The following JADE1 variants were observed in gnomAD, a reference collection of about 807,000 sequenced individuals.
The protein encoded by JADE1 is protein Jade-1.
JADE1 carries 14 observed loss-of-function variants against 81.8 expected under a neutral mutation model. The ratio of observed to expected loss-of-function variants is 0.17; its 90% CI spans 0.11 to 0.27. The LOEUF (loss-of-function observed/expected upper bound fraction) is 0.27. Among genes scored for constraint, JADE1 ranks in the 10% least tolerant of loss-of-function variants. JADE1 has a pLI of 1.00. For missense variants in JADE1, 690 were observed against 1,047.9 expected, an observed-to-expected ratio of 0.66 and a Z score of 4.71; for synonymous variants, 353 against 391.9, an observed-to-expected ratio of 0.90 and a Z score of 1.17.
At chr4:128,819,064 G>T (rs1727312127) in intron 1 of JADE1, among the ~76,000 whole-genome samples, 1 of 152,150 alleles carries the variant, frequency 6.6e-6, no homozygotes, top group Non-Finnish European at 1.5e-5. Context: ...GAGCTCAAAG[G>T]TTCTGCCCAC....
At chr4:128,826,914 T>C (rs1396657699) in intron 1 of JADE1, among the ~76,000 whole-genome samples, 1 of 152,234 alleles carries the variant, frequency 6.6e-6, no homozygotes, top group Non-Finnish European at 1.5e-5. Flanking sequence ...TGTATTATTG[T>C]TGAATCCAGT....
At chr4:128,824,070 A>G (rs1174935828) in intron 1 of JADE1, among the ~76,000 whole-genome samples, 7 of 152,294 alleles carry the variant, frequency 4.6e-5, no homozygotes, top group Middle Eastern at 3.4e-3. Context: ...TAATTTAGGA[A>G]TCAAATTATC....
At chr4:128,869,486 A>G (rs1478346831) in intron 10 of JADE1, among the ~76,000 whole-genome samples, 1 of 152,168 alleles carries the variant, frequency 6.6e-6, no homozygotes, top group Non-Finnish European at 1.5e-5. Context: ...GTGCCATTGG[A>G]GGGCTTTCTG....
intron 2 of JADE1, among the ~76,000 whole-genome samples, chr4:128,842,398 C>G (rs964090239): frequency 6.6e-6 from 1 of 151,738 alleles, no homozygotes; most frequent in African/African-American, 2.4e-5. Context: ...CTCCTAGGTT[C>G]AAGCAATTCT....
rs540898985 is a variant in JADE1 at position 128,851,562 on chromosome 4, A to G, written c.485-495A>G. Among the ~76,000 whole-genome samples the G allele has an allele frequency of 1.1e-4, 16 of 152,336 alleles. 1 individual carries two copies. In the South Asian group the frequency reaches 3.3e-3, roughly 32 times the overall value. On this transcript the variant is annotated intron_variant, in intron 5 of 10. Coordinates refer to ENST00000226319, the MANE Select transcript of JADE1 (RefSeq NM_199320.4). ...TTCACTACCTGACCATAGGAAAATA[A>G]CAGTTTCCTGGAAGACTCTCCCCTT... is the stretch of plus-strand genomic sequence containing the variant.
At chr4:128,860,464 C>G (rs1731226454) in intron 8 of JADE1, among the ~76,000 whole-genome samples, 1 of 152,156 alleles carries the variant, frequency 6.6e-6, no homozygotes, top group African/African-American at 2.4e-5. Flanking sequence ...CTCTGCCATC[C>G]TTGGTGATGT....
intron 5 of JADE1, among the ~76,000 whole-genome samples, chr4:128,850,547 TC>T (rs1724494228): frequency 6.6e-6 from 1 of 152,190 alleles, no homozygotes; most frequent in African/African-American, 2.4e-5. Context: ...AAAATAGACT[TC>T]CTTCTTCTTG....
chr4:128,811,616 C>G (rs1265597889), intron 1 of JADE1, among the ~76,000 whole-genome samples: 3 of 127,166 alleles, frequency 2.4e-5, no homozygotes, highest in African/African-American at 8.6e-5. Flanking sequence ...CTAACGGTCC[C>G]AGCTGCGCCG....
At chr4:128,853,566 A>G (rs1730546699) in intron 6 of JADE1, among the ~76,000 whole-genome samples, 1 of 152,108 alleles carries the variant, frequency 6.6e-6, no homozygotes, top group Non-Finnish European at 1.5e-5. Flanking sequence ...CCTCTTTTTT[A>G]TTTAGTTTTT....
intron 1 of JADE1, among the ~76,000 whole-genome samples, chr4:128,818,155 C>T (rs995025921): frequency 4.0e-5 from 6 of 150,962 alleles, no homozygotes; most frequent in Admixed American, 1.3e-4. Flanking sequence ...GAGTCTTGCT[C>T]TGTTATGCAG....
intron 10 of JADE1, among the ~76,000 whole-genome samples, 167 bp downstream of exon 10, chr4:128,868,140 A>C (rs1731918350): frequency 6.6e-6 from 1 of 152,206 alleles, no homozygotes; most frequent in African/African-American, 2.4e-5. Flanking sequence ...GTTTAAGGGA[A>C]AAAGCTATGA....
At chr4:128,859,151 G>T (rs1731059111) in intron 8 of JADE1, among the ~76,000 whole-genome samples, 1 of 151,942 alleles carries the variant, frequency 6.6e-6, no homozygotes, top group Non-Finnish European at 1.5e-5. Flanking sequence ...AGAGAAAAGG[G>T]CAGGGAGCTG....
chr4:128,823,318 C>A (rs983683894), intron 1 of JADE1, among the ~76,000 whole-genome samples: 6 of 152,262 alleles, frequency 3.9e-5, no homozygotes, highest in African/African-American at 1.4e-4. Flanking sequence ...TCATTCAGAA[C>A]CACTCAAATT....
chr4:128,862,894 C>CTGTGTG lies in JADE1; in HGVS notation c.1503+684_1503+689dup, dbSNP rs3069699. 6,833 of 964,850 alleles carry CTGTGTG rather than the reference C, an allele frequency of 7.1e-3. 10 individuals are homozygous for CTGTGTG. The highest frequency in any genetic ancestry group is 0.04 in the East Asian group (337 of 8,500). The allele number at this position is 964,850 out of a possible 1,614,324, so 59.8% of individuals were successfully genotyped here. A position where few individuals can be genotyped will look rare whatever the true frequency, so the allele number is the denominator to read the frequency against. ...GTGAGGTGCTAAGTCATCACTGAGGCTGTGTGTGTGTGTGTGTGTGCGCGT... is the reference window on the plus strand; with the variant it reads ...GTGAGGTGCTAAGTCATCACTGAGGCTGTGTGTGTGTGTGTGTGTGTGTGTGCGCGT... On this transcript the variant is annotated intron_variant, in intron 9 of 10. Transcript: ENST00000226319.
chr4:128,860,517 G>A (rs1281749945), intron 8 of JADE1, among the ~76,000 whole-genome samples: 1 of 152,194 alleles, frequency 6.6e-6, no homozygotes, highest in Non-Finnish European at 1.5e-5. Context: ...CTTCTCAGTT[G>A]GCTTGAAGCC....
intron 8 of JADE1, among the ~76,000 whole-genome samples, chr4:128,860,924 T>C (rs183476994): frequency 6.6e-6 from 1 of 152,230 alleles, no homozygotes. Flanking sequence ...GTGAAGCTTC[T>C]TCGCAAGTGT....
chr4:128,821,827 A>G (rs910354956), intron 1 of JADE1, among the ~76,000 whole-genome samples: 2 of 152,060 alleles, frequency 1.3e-5, no homozygotes, highest in African/African-American at 2.4e-5. Flanking sequence ...CAGCCTGTGT[A>G]TAGTTTAAAC....
chr4:128,847,639 T>C (rs899108728), intron 4 of JADE1, among the ~76,000 whole-genome samples: 3 of 152,212 alleles, frequency 2.0e-5, no homozygotes, highest in Admixed American at 6.5e-5. Flanking sequence ...TGCTGAATGC[T>C]TCACTTTCAG....
chr4:128,860,255 A>ATCTC (rs1731208208), intron 8 of JADE1, among the ~76,000 whole-genome samples: 1 of 152,014 alleles, frequency 6.6e-6, no homozygotes, highest in South Asian at 2.1e-4. Context: ...ATTTCTTAGA[A>ATCTC]TTGAGGTTAT....
Sources: allele counts gnomAD v4.1 joint callset (sites outside exome capture counted in the v4.1 genomes callset), GRCh38; gene constraint gnomAD v4.1.1; transcripts MANE v1.5; gene names NCBI Gene and HGNC (gene_info 2026-07-23, HGNC 2026-07-21).